C12orf54: variants seen among roughly 807,000 people sequenced by gnomAD.
C12orf54 encodes the protein uncharacterized protein C12orf54.
C12orf54 carries 24 observed loss-of-function variants against 26.4 expected under a neutral mutation model. The observed-to-expected ratio is 0.91, with a 90% confidence interval of 0.66 to 1.28. The LOEUF (loss-of-function observed/expected upper bound fraction) is 1.28. Ranked by LOEUF, C12orf54 falls within the 50% of genes most tolerant of loss-of-function variation. The pLI, the probability that C12orf54 is intolerant of heterozygous loss-of-function variation, is 0.00. For missense variants in C12orf54, 154 were observed against 150.9 expected (o/e 1.02, Z -0.11); for synonymous variants, 54 against 47.0 (o/e 1.15, Z -0.61).
At chr12:48,447,177 A>G in the C12orf54 span, among the ~76,000 whole-genome samples, 1 of 151,340 alleles carries the variant, frequency 6.6e-6, no homozygotes, top group Non-Finnish European at 1.5e-5. Flanking sequence ...TGCCCTTGTA[A>G]GAGATATGAG....
At chr12:48,468,152 A>T in the C12orf54 span, among the ~76,000 whole-genome samples, 2 of 152,226 alleles carry the variant, frequency 1.3e-5, no homozygotes, top group Non-Finnish European at 2.9e-5. Flanking sequence ...ACTATTAGGT[A>T]TTTATAATGT....
intron 5 of C12orf54, chr12:48,489,160 A>C (rs200901187): frequency 6.8e-6 from 5 of 735,728 alleles, no homozygotes; most frequent in Non-Finnish European, 1.2e-5. Context: ...CCCTTGAGGA[A>C]ATGTGATAAT....
chr12:48,487,981 T>C (rs1444493871), intron 4 of C12orf54: 2 of 785,504 alleles, frequency 2.5e-6, no homozygotes, highest in African/African-American at 3.3e-5. Context: ...TTGCCATTTA[T>C]GAACTCCTTT....
intron 5 of C12orf54, among the ~76,000 whole-genome samples, chr12:48,489,775 G>A (rs1012658459): frequency 1.3e-5 from 2 of 149,828 alleles, no homozygotes; most frequent in Admixed American, 1.3e-4. Context: ...AGGCTAGAGT[G>A]TAGTAGCACG....
chr12:48,471,529 AGGTAAG>A, the C12orf54 span, among the ~76,000 whole-genome samples: 2 of 152,336 alleles, frequency 1.3e-5, no homozygotes, highest in East Asian at 3.8e-4. Flanking sequence ...GTATGGTGAA[AGGTAAG>A]GGTCTGGTTT....
the C12orf54 span, among the ~76,000 whole-genome samples, chr12:48,439,555 A>G: frequency 6.6e-6 from 1 of 152,232 alleles, no homozygotes; most frequent in Non-Finnish European, 1.5e-5. Flanking sequence ...ACACCATGGA[A>G]TACTGTGCAG....
At chr12:48,443,658 A>G in the C12orf54 span, among the ~76,000 whole-genome samples, 150 of 152,298 alleles carry the variant, frequency 9.8e-4, no homozygotes, top group African/African-American at 3.6e-3. Context: ...TATGTGATCT[A>G]TTCAGATTCA....
intron 5 of C12orf54, among the ~76,000 whole-genome samples, chr12:48,489,807 C>T (rs187205210): frequency 3.2e-4 from 49 of 151,882 alleles, no homozygotes; most frequent in African/African-American, 4.8e-4. Flanking sequence ...CCACAACCTC[C>T]GCCTCCCGAG....
At chr12:48,425,932 CT>C in the C12orf54 span, among the ~76,000 whole-genome samples, 949 of 134,574 alleles carry the variant, frequency 7.1e-3, 7 homozygotes, top group South Asian at 0.022. Context: ...GGTTGTTTGG[CT>C]TTTTTTTTTT....
At chr12:48,423,137 T>A in the C12orf54 span, among the ~76,000 whole-genome samples, 1 of 152,134 alleles carries the variant, frequency 6.6e-6, no homozygotes, top group Admixed American at 6.5e-5. Flanking sequence ...AATTTCTGAG[T>A]TGTTTTTGTT....
chr12:48,440,328 T>C, the C12orf54 span, among the ~76,000 whole-genome samples: 1 of 152,162 alleles, frequency 6.6e-6, no homozygotes, highest in South Asian at 2.1e-4. Context: ...AAGGGAAGGA[T>C]GACACTTGCC....
chr12:48,495,549 T>C (rs891012763), intron 8 of C12orf54: 6 of 152,636 alleles, frequency 3.9e-5, no homozygotes, highest in African/African-American at 1.4e-4. Context: ...TCCTGCTCCA[T>C]AGGCTCATCT....
chr12:48,424,421 T>A, the C12orf54 span, among the ~76,000 whole-genome samples: 1 of 152,132 alleles, frequency 6.6e-6, no homozygotes, highest in Non-Finnish European at 1.5e-5. Context: ...ATTATTTCTT[T>A]CTATAAATGT....
rs569603976 is a variant in C12orf54 at position 48,493,233 on chromosome 12, C to A, written c.242+238C>A. ...CTGAAATCTCAGAATCAGCCCTGAACCTCACCATAAGAGATTGTAAGAAAG... is the reference window on the plus strand; with the variant it reads ...CTGAAATCTCAGAATCAGCCCTGAAACTCACCATAAGAGATTGTAAGAAAG... On this transcript the variant is annotated intron_variant, in intron 7 of 8. Coordinates refer to ENST00000548364, the MANE Select transcript of C12orf54 (RefSeq NM_152319.4). 5.3e-5 allele frequency among the ~76,000 whole-genome samples: 8 copies of A among 152,218 alleles called. No homozygotes were observed. In the East Asian group the frequency reaches 1.5e-3, roughly 29 times the overall value.
intron 5 of C12orf54, 60 bp from the exon 6 acceptor site, chr12:48,490,752 G>T: frequency 6.3e-7 from 1 of 1,588,528 alleles, no homozygotes; most frequent in East Asian, 2.2e-5. Flanking sequence ...AGCTAATACA[G>T]TGCAGGTCTG....
At chr12:48,473,587 G>A in the C12orf54 span, 53 of 290,084 alleles carry the variant, frequency 1.8e-4, 1 homozygote, top group South Asian at 1.9e-3. Flanking sequence ...AGGGGAGGAG[G>A]GGGTGGAATA....
chr12:48,429,365 A>T, the C12orf54 span, among the ~76,000 whole-genome samples: 95 of 152,276 alleles, frequency 6.2e-4, 1 homozygote, highest in Middle Eastern at 3.4e-3. Flanking sequence ...ATCAGTAAAG[A>T]GGGAGCCAAA....
chr12:48,414,092 G>A, the C12orf54 span, among the ~76,000 whole-genome samples: 1 of 152,202 alleles, frequency 6.6e-6, no homozygotes, highest in Non-Finnish European at 1.5e-5. Context: ...GCGACAAACT[G>A]TTCAACTTCC....
At chr12:48,428,361 A>G in the C12orf54 span, among the ~76,000 whole-genome samples, 1 of 152,194 alleles carries the variant, frequency 6.6e-6, no homozygotes, top group Admixed American at 6.5e-5. Context: ...AAAAATACAA[A>G]AGATAAATGA....
Sources: allele counts gnomAD v4.1 joint callset (sites outside exome capture counted in the v4.1 genomes callset), GRCh38; gene constraint gnomAD v4.1.1; transcripts MANE v1.5; gene names NCBI Gene and HGNC (gene_info 2026-07-23, HGNC 2026-07-21).